Variants in SOX5 observed in about 807,000 individuals in gnomAD.
SOX5 encodes transcription factor SOX-5.
SOX5 carries 9 observed loss-of-function variants against 92.0 expected under a neutral mutation model. The ratio of observed to expected loss-of-function variants is 0.10; its 90% CI spans 0.06 to 0.17. The LOEUF (loss-of-function observed/expected upper bound fraction) is 0.17. Ranked by LOEUF, SOX5 falls within the 10% of genes least tolerant of loss-of-function variation. SOX5 has a pLI of 1.00. For synonymous variants in SOX5, 344 were observed against 336.3 expected, an observed-to-expected ratio of 1.02 and a Z score of -0.25; for missense variants, 642 against 944.5, an observed-to-expected ratio of 0.68 and a Z score of 4.20.
At chr12:24,406,438 G>A (rs527865450) in intron 1 of SOX5, among the ~76,000 whole-genome samples, 27 of 152,210 alleles carry the variant, frequency 1.8e-4, no homozygotes, top group Admixed American at 2.6e-4. Flanking sequence ...TATAACATTC[G>A]TTCAAGTGAG....
At chr12:24,123,758 A>G (rs1948843803) in intron 4 of SOX5, among the ~76,000 whole-genome samples, 1 of 152,330 alleles carries the variant, frequency 6.6e-6, no homozygotes, top group East Asian at 1.9e-4. Context: ...ATATTCCAAA[A>G]CAGAGAAACA....
chr12:24,509,605 C>G (rs1215160001), intron 1 of SOX5, among the ~76,000 whole-genome samples: 1 of 152,106 alleles, frequency 6.6e-6, no homozygotes, highest in African/African-American at 2.4e-5. Context: ...GCCATTGACC[C>G]AATAAATAGT....
intron 1 of SOX5, among the ~76,000 whole-genome samples, chr12:24,533,033 T>C (rs969976782): frequency 6.6e-6 from 1 of 152,356 alleles, no homozygotes; most frequent in Non-Finnish European, 1.5e-5. Context: ...TAGAAGTCTA[T>C]ATCCTCAATG....
chr12:23,932,496 A>G (rs1276990229), intron 1 of SOX5, among the ~76,000 whole-genome samples: 1 of 151,616 alleles, frequency 6.6e-6, no homozygotes, highest in East Asian at 1.9e-4. Context: ...ATCTGCTAAT[A>G]TTATTGTGAT....
chr12:23,806,682 T>C (rs938480813), intron 3 of SOX5, among the ~76,000 whole-genome samples: 3 of 151,394 alleles, frequency 2.0e-5, no homozygotes, highest in Non-Finnish European at 4.4e-5. Context: ...AGGGATTTAT[T>C]AAGTTGCAGT....
intron 4 of SOX5, among the ~76,000 whole-genome samples, chr12:24,016,807 G>A (rs1410051398): frequency 6.6e-6 from 1 of 152,132 alleles, no homozygotes; most frequent in African/African-American, 2.4e-5. Context: ...GCAAAAGGCT[G>A]TGACACCGTG....
chr12:24,058,289 A>G (rs1380550217), intron 4 of SOX5, among the ~76,000 whole-genome samples: 1 of 152,254 alleles, frequency 6.6e-6, no homozygotes, highest in Admixed American at 6.5e-5. Flanking sequence ...ACCGATGTGC[A>G]CAATATTTTT....
At chr12:23,981,318 A>C (rs956403612) in intron 4 of SOX5, among the ~76,000 whole-genome samples, 1 of 152,226 alleles carries the variant, frequency 6.6e-6, no homozygotes, top group Non-Finnish European at 1.5e-5. Context: ...CCATTCTGAG[A>C]AACTCAAAAT....
intron 1 of SOX5, among the ~76,000 whole-genome samples, chr12:23,923,346 A>G (rs1939024062): frequency 6.8e-6 from 1 of 146,664 alleles, no homozygotes; most frequent in Non-Finnish European, 1.5e-5. Flanking sequence ...TAAAAGCATA[A>G]TGTAAGCTAA....
intron 3 of SOX5, among the ~76,000 whole-genome samples, chr12:24,259,400 T>C (rs1256192998): frequency 6.6e-6 from 1 of 152,244 alleles, no homozygotes; most frequent in Non-Finnish European, 1.5e-5. Context: ...ATTAACACAG[T>C]TCAATGCATT....
intron 6 of SOX5, among the ~76,000 whole-genome samples, chr12:23,685,284 T>G (rs964587388): frequency 6.6e-6 from 1 of 152,050 alleles, no homozygotes; most frequent in African/African-American, 2.4e-5. Context: ...GAGAAAAGGG[T>G]AGAGAAATTA....
intron 3 of SOX5, among the ~76,000 whole-genome samples, chr12:23,811,505 A>G (rs1381841552): frequency 6.6e-6 from 1 of 152,126 alleles, no homozygotes; most frequent in Non-Finnish European, 1.5e-5. Context: ...CCAGCTCTCA[A>G]TATTGAAAAG....
intron 2 of SOX5, among the ~76,000 whole-genome samples, chr12:24,355,954 T>TA (rs901039282): frequency 2.0e-5 from 3 of 152,182 alleles, no homozygotes; most frequent in African/African-American, 7.2e-5. Flanking sequence ...AGCATTTTTT[T>TA]AAAAAATAGA....
chr12:24,445,267 G>T (rs909350056), intron 1 of SOX5, among the ~76,000 whole-genome samples: 22 of 152,186 alleles, frequency 1.4e-4, no homozygotes, highest in African/African-American at 5.1e-4. Flanking sequence ...CATGTCTAAT[G>T]AATGCACACT....
At chr12:24,275,149 C>A (rs548066685) in intron 3 of SOX5, among the ~76,000 whole-genome samples, 2 of 152,004 alleles carry the variant, frequency 1.3e-5, no homozygotes, top group African/African-American at 4.8e-5. Context: ...CTTATATATA[C>A]CTTCTGAAAA....
At chr12:23,691,071 T>G (rs959151235) in intron 6 of SOX5, among the ~76,000 whole-genome samples, 1 of 152,150 alleles carries the variant, frequency 6.6e-6, no homozygotes, top group Non-Finnish European at 1.5e-5. Flanking sequence ...GGTGAAAGGT[T>G]TTAAGCATGG....
intron 4 of SOX5, among the ~76,000 whole-genome samples, chr12:23,752,073 A>G (rs1440134065): frequency 6.6e-6 from 1 of 151,462 alleles, no homozygotes; most frequent in Non-Finnish European, 1.5e-5. Context: ...AGAATCCATC[A>G]CAGATTCTGA....
At chr12:23,676,935 A>C (rs1449046075) in intron 6 of SOX5, among the ~76,000 whole-genome samples, 1 of 152,174 alleles carries the variant, frequency 6.6e-6, no homozygotes, top group East Asian at 1.9e-4. Flanking sequence ...TGGTATCCAC[A>C]ATACCTAGCT....
At chr12:24,350,792 C>A (rs1953978893) in intron 2 of SOX5, among the ~76,000 whole-genome samples, 1 of 152,146 alleles carries the variant, frequency 6.6e-6, no homozygotes, top group Non-Finnish European at 1.5e-5. Flanking sequence ...GTGGTTCATG[C>A]CTGTAGTCCT....
Sources: gnomAD v4.1 joint callset for allele counts (sites outside exome capture counted in the v4.1 genomes callset) on GRCh38, gnomAD v4.1.1 for gene constraint, MANE v1.5 for transcripts, NCBI Gene and HGNC (gene_info 2026-07-23, HGNC 2026-07-21) for gene names.